PDE4D: variants seen among roughly 807,000 people sequenced by gnomAD.
The protein encoded by PDE4D is phosphodiesterase 4D.
A neutral mutation model predicts 87.4 loss-of-function variants in PDE4D; 24 were observed. The observed-to-expected ratio is 0.27, with a 90% CI of 0.20 to 0.39. PDE4D has a LOEUF of 0.39. PDE4D is among the 10% of genes least tolerant of loss of function. The probability of loss-of-function intolerance (pLI) is 1.00; values close to 1 mark genes in which losing one functional copy is unlikely to be tolerated. For missense variants in PDE4D, 714 were observed against 1,041.0 expected, an observed-to-expected ratio of 0.69 and a Z score of 4.32; for synonymous variants, 384 against 383.2, an observed-to-expected ratio of 1.00 and a Z score of -0.02.
intron 1 of PDE4D, among the ~76,000 whole-genome samples, chr5:59,827,343 G>A (rs1011453470): frequency 6.6e-6 from 1 of 152,024 alleles, no homozygotes; most frequent in Non-Finnish European, 1.5e-5. Flanking sequence ...ATGATTTCAG[G>A]ACCCTAAAGA....
At chr5:59,718,950 G>A (rs1199584699) in intron 1 of PDE4D, among the ~76,000 whole-genome samples, 1 of 151,056 alleles carries the variant, frequency 6.6e-6, no homozygotes, top group Non-Finnish European at 1.5e-5. Flanking sequence ...TTAAATTGAA[G>A]TACAATAAAG....
chr5:59,021,467 A>T (rs934415147), intron 6 of PDE4D, among the ~76,000 whole-genome samples: 4 of 152,182 alleles, frequency 2.6e-5, no homozygotes, highest in Non-Finnish European at 5.9e-5. Flanking sequence ...GGTTACTTAT[A>T]TGGCAGCATA....
At chr5:59,551,380 T>G (rs1029502643) in intron 1 of PDE4D, among the ~76,000 whole-genome samples, 1 of 151,096 alleles carries the variant, frequency 6.6e-6, no homozygotes, top group Non-Finnish European at 1.5e-5. Context: ...AGAATCTAAC[T>G]TTATATTATT....
At chr5:60,395,772 C>A (rs1762845352) in intron 1 of PDE4D, among the ~76,000 whole-genome samples, 1 of 150,268 alleles carries the variant, frequency 6.7e-6, no homozygotes, top group Non-Finnish European at 1.5e-5. Flanking sequence ...AAAAAAAAAG[C>A]AAACAAGCCA....
At chr5:59,902,632 A>C (rs1186387945) in intron 3 of PDE4D, among the ~76,000 whole-genome samples, 1 of 152,180 alleles carries the variant, frequency 6.6e-6, no homozygotes, top group Non-Finnish European at 1.5e-5. Flanking sequence ...TACATATGTT[A>C]TAATGCTGAA....
chr5:59,131,896 T>C (rs986653967), intron 5 of PDE4D, among the ~76,000 whole-genome samples: 6 of 152,164 alleles, frequency 3.9e-5, no homozygotes, highest in African/African-American at 1.4e-4. Flanking sequence ...AGCAGGGTTT[T>C]CCCATCAGAA....
chr5:59,928,705 TA>T, intron 3 of PDE4D, among the ~76,000 whole-genome samples: 1 of 152,158 alleles, frequency 6.6e-6, no homozygotes, highest in East Asian at 1.9e-4. Context: ...TCTGGGCCAC[TA>T]ATCTCCTGTC....
intron 2 of PDE4D, among the ~76,000 whole-genome samples, chr5:60,161,473 A>T (rs148972594): frequency 1.3e-5 from 2 of 152,264 alleles, no homozygotes; most frequent in East Asian, 3.9e-4. Context: ...TGAGTATGAA[A>T]CAACATACTC....
intron 1 of PDE4D, among the ~76,000 whole-genome samples, chr5:59,834,440 G>T (rs1162385506): frequency 1.3e-5 from 2 of 151,990 alleles, no homozygotes; most frequent in South Asian, 4.1e-4. Flanking sequence ...ATTAGCAAAA[G>T]ATTTAAAATG....
At chr5:60,363,072 T>A (rs1760215948) in intron 1 of PDE4D, among the ~76,000 whole-genome samples, 1 of 152,098 alleles carries the variant, frequency 6.6e-6, no homozygotes, top group South Asian at 2.1e-4. Context: ...GGAAAAGCAT[T>A]TATCAGCCAT....
intron 1 of PDE4D, among the ~76,000 whole-genome samples, chr5:59,319,228 A>G (rs975545784): frequency 1.3e-5 from 2 of 151,794 alleles, no homozygotes; most frequent in African/African-American, 4.8e-5. Flanking sequence ...CCTATTTAAA[A>G]CAATAACATT....
chr5:59,281,918 T>A (rs1412752764), intron 1 of PDE4D, among the ~76,000 whole-genome samples: 1 of 152,184 alleles, frequency 6.6e-6, no homozygotes, highest in East Asian at 1.9e-4. Context: ...AAGATAACAA[T>A]TCACACCTTG....
Position 59,893,546 on chromosome 5 carries a change from A to G in PDE4D, c.77T>C (p.Leu26Pro). 2 of 1,538,654 alleles carry G rather than the reference A, an allele frequency of 1.3e-6. No individual in the cohort carries two copies. The highest frequency in any genetic ancestry group is 1.8e-6 in the Non-Finnish European group (2 of 1,142,110). Reference protein sequence around the residue: ...EGSDSAGGATLKAPKHLWRHE... With the variant: ...EGSDSAGGATPKAPKHLWRHE... Reference sequence around the variant, plus strand: ...CCTCCAGAGATGCTTGGGGGCTTTGAGCGTGGCCCCGCCGGCGCTGTCGCT... The same window carrying G: ...CCTCCAGAGATGCTTGGGGGCTTTGGGCGTGGCCCCGCCGGCGCTGTCGCT... Residue 26 changes from leucine to proline, a missense_variant, in exon 1 of 15, where the codon CTC (leucine) becomes CCC (proline). Leu to Pro is a moderately conservative substitution (Grantham distance 98). This residue lies in a region of PDE4D where 268 missense variants were observed against 272.9 expected (regional missense o/e 0.98). Coordinates refer to ENST00000340635, the MANE Select transcript of PDE4D (RefSeq NM_001104631.2).
At chr5:60,147,949 T>C (rs1781160202) in intron 2 of PDE4D, 1 of 316,748 alleles carries the variant, frequency 3.2e-6, no homozygotes, top group Non-Finnish European at 6.4e-6. Flanking sequence ...AAGTGGCACA[T>C]CATAACTCCT....
intron 2 of PDE4D, among the ~76,000 whole-genome samples, chr5:60,066,580 C>T (rs1772117227): frequency 7.9e-6 from 1 of 126,280 alleles, no homozygotes; most frequent in Non-Finnish European, 1.6e-5. Context: ...GCAGCTCCTT[C>T]CTAAAGCAAA....
At chr5:59,333,685 A>AT (rs1357123159) in intron 1 of PDE4D, among the ~76,000 whole-genome samples, 1 of 152,106 alleles carries the variant, frequency 6.6e-6, no homozygotes. Context: ...GGCAAGATTC[A>AT]TTTTTTATGG....
At chr5:59,683,033 TAA>T (rs1749283328) in intron 1 of PDE4D, among the ~76,000 whole-genome samples, 1 of 152,246 alleles carries the variant, frequency 6.6e-6, no homozygotes, top group Non-Finnish European at 1.5e-5. Flanking sequence ...AAATTTAGAA[TAA>T]AGTCTGTAGA....
chr5:60,314,931 G>A (rs1755411948), intron 1 of PDE4D, among the ~76,000 whole-genome samples: 1 of 152,156 alleles, frequency 6.6e-6, no homozygotes, highest in Non-Finnish European at 1.5e-5. Context: ...ATTGTGAATA[G>A]TGCCTCAATA....
intron 1 of PDE4D, chr5:60,460,764 G>T: frequency 1.6e-6 from 1 of 616,400 alleles, no homozygotes; most frequent in South Asian, 1.9e-5. Context: ...CCAAGAACCA[G>T]ACCACAAGTC....
Sources: gnomAD v4.1 joint callset for allele counts (sites outside exome capture counted in the v4.1 genomes callset) on GRCh38, gnomAD v4.1.1 for gene constraint, gnomAD v4.1.1 regional missense constraint, MANE v1.5 for transcripts, NCBI Gene and HGNC (gene_info 2026-07-23, HGNC 2026-07-21) for gene names.